The following NPAS2 variants were observed in gnomAD, a reference collection of about 807,000 sequenced individuals.
The protein encoded by NPAS2 is neuronal PAS domain-containing protein 2.
In NPAS2, 23 loss-of-function variants were observed where a neutral mutation model predicts 107.5. The ratio of observed to expected loss-of-function variants is 0.21; its 90% CI spans 0.15 to 0.30. The LOEUF is 0.30. NPAS2 is among the 10% of genes least tolerant of loss of function. The pLI, the probability that NPAS2 is intolerant of heterozygous loss-of-function variation, is 1.00. For synonymous variants in NPAS2, 403 were observed against 417.5 expected, an observed-to-expected ratio of 0.97 and a Z score of 0.42; for missense variants, 756 against 1,043.3, an observed-to-expected ratio of 0.72 and a Z score of 3.79.
At chr2:100,845,639 A>C (rs983524283) in intron 1 of NPAS2, among the ~76,000 whole-genome samples, 9 of 152,214 alleles carry the variant, frequency 5.9e-5, no homozygotes, top group African/African-American at 2.2e-4. Flanking sequence ...ATACTTGGCC[A>C]TGGGGCTTGT....
chr2:100,919,171 C>T (rs1368720733), intron 2 of NPAS2, among the ~76,000 whole-genome samples: 1 of 152,204 alleles, frequency 6.6e-6, no homozygotes, highest in Non-Finnish European at 1.5e-5. Flanking sequence ...ACTTTTACGA[C>T]ATTCTTGAAA....
chr2:100,831,659 A>G (rs1467903427), intron 1 of NPAS2, among the ~76,000 whole-genome samples: 1 of 152,130 alleles, frequency 6.6e-6, no homozygotes, highest in African/African-American at 2.4e-5. Flanking sequence ...TTTCCCCTTC[A>G]TAGCATTGTG....
chr2:100,969,129 C>T (rs150521276), intron 11 of NPAS2, among the ~76,000 whole-genome samples: 1 of 151,698 alleles, frequency 6.6e-6, no homozygotes, highest in African/African-American at 2.4e-5. Context: ...TACAGAGGAG[C>T]CTTGGAGAAG....
intron 20 of NPAS2, 34 bp downstream of exon 20, chr2:100,993,561 G>A: frequency 6.8e-7 from 1 of 1,461,184 alleles, no homozygotes; most frequent in Non-Finnish European, 9.1e-7. Flanking sequence ...CCCCGTGCAG[G>A]CCTGGGAGCC....
intron 1 of NPAS2, among the ~76,000 whole-genome samples, chr2:100,897,293 G>A (rs1031782746): frequency 1.3e-5 from 2 of 152,166 alleles, no homozygotes; most frequent in Admixed American, 6.5e-5. Flanking sequence ...ATCGTGAAAT[G>A]GGTGAAGATG....
chr2:100,843,778 G>A (rs1677595774), intron 1 of NPAS2, among the ~76,000 whole-genome samples: 3 of 152,036 alleles, frequency 2.0e-5, no homozygotes, highest in Non-Finnish European at 2.9e-5. Context: ...AAGGAAAATG[G>A]ATGAGGTTTA....
chr2:100,934,399 C>A (rs967971743), intron 4 of NPAS2, among the ~76,000 whole-genome samples: 27 of 151,212 alleles, frequency 1.8e-4, no homozygotes, highest in African/African-American at 6.1e-4. Context: ...GAATAAATTT[C>A]GGGGCTAGAA....
chr2:100,821,292 A>G (rs1676053146), intron 1 of NPAS2: 1 of 1,095,222 alleles, frequency 9.1e-7, no homozygotes, highest in Admixed American at 2.6e-5. Flanking sequence ...ATACGCACGC[A>G]CTTCCACAAA....
chr2:100,901,786 C>T (rs1445222284), intron 1 of NPAS2, among the ~76,000 whole-genome samples: 1 of 152,096 alleles, frequency 6.6e-6, no homozygotes, highest in African/African-American at 2.4e-5. Context: ...CCTCTTGGTT[C>T]CCTACTCCCC....
chr2:100,959,082 A>G (rs113668601), intron 7 of NPAS2, among the ~76,000 whole-genome samples: 5,602 of 115,486 alleles, frequency 0.049, 406 homozygotes, highest in African/African-American at 0.16. Flanking sequence ...GTGAAACCCC[A>G]TCTCTTCAAA....
chr2:100,846,776 A>G (rs1361406734), intron 1 of NPAS2: 1 of 152,188 alleles, frequency 6.6e-6, no homozygotes, highest in South Asian at 2.1e-4. Context: ...TTGTGCCATA[A>G]AGTGTTGAAA....
intron 1 of NPAS2, among the ~76,000 whole-genome samples, chr2:100,903,638 T>C (rs564477298): frequency 6.6e-5 from 10 of 152,320 alleles, no homozygotes; most frequent in Non-Finnish European, 1.2e-4. Context: ...AGACCCTGTG[T>C]GTTGAGCGTA....
intron 5 of NPAS2, among the ~76,000 whole-genome samples, chr2:100,945,274 C>T (rs1674818081): frequency 6.6e-6 from 1 of 152,144 alleles, no homozygotes; most frequent in African/African-American, 2.4e-5. Flanking sequence ...GTCCTCACAC[C>T]CACCGGAACA....
At chr2:100,927,681 T>C (rs1248773190) in intron 3 of NPAS2, among the ~76,000 whole-genome samples, 1 of 152,226 alleles carries the variant, frequency 6.6e-6, no homozygotes, top group Non-Finnish European at 1.5e-5. Flanking sequence ...CTTTCATTAG[T>C]GTATAGTATT....
In NPAS2 at chr2:100,820,944, C is replaced by T; in HGVS notation, c.-23+530C>T. 2.2e-6 allele frequency: 2 copies of T among 892,878 alleles called. No homozygotes were observed. The highest frequency in any genetic ancestry group is 1.5e-6 in the Non-Finnish European group (1 of 646,602). 55.3% of individuals were successfully genotyped at this position (892,878 alleles called of 1,614,324 possible). On this transcript the variant is annotated intron_variant, in intron 1 of 20. Coordinates refer to ENST00000335681, the MANE Select transcript of NPAS2 (RefSeq NM_002518.4). This position sits in a 1 kb window ranked among gnomAD's most constrained non-coding sequence, Gnocchi z 5.6. ...TGGGTGCGGAATCGGTGCCCCCAAC[C>T]CCCGTGTGCGCAGACAGCGTGCAGC...
intron 1 of NPAS2, among the ~76,000 whole-genome samples, chr2:100,848,859 ATC>A (rs1400422843): frequency 6.6e-6 from 1 of 152,196 alleles, no homozygotes; most frequent in Non-Finnish European, 1.5e-5. Context: ...TTTGGGGAAA[ATC>A]TTGTGGTTGT....
chr2:100,937,150 T>TA (rs1332854394), intron 4 of NPAS2, among the ~76,000 whole-genome samples: 2 of 152,116 alleles, frequency 1.3e-5, no homozygotes, highest in African/African-American at 4.8e-5. Flanking sequence ...CTGAAATGCT[T>TA]ACGGATCCAG....
At chr2:100,971,264 A>G (rs898730036) in intron 12 of NPAS2, among the ~76,000 whole-genome samples, 190 bp downstream of exon 12, 3 of 138,692 alleles carry the variant, frequency 2.2e-5, no homozygotes, top group Non-Finnish European at 3.0e-5. Flanking sequence ...GTGCCACCAT[A>G]CTCCAGCCCG....
rs754989532 is a variant in NPAS2, at chr2:100,925,136, G to C, written c.33-10G>C. 1.1e-5 allele frequency: 18 copies of C among 1,604,246 alleles called. No individual in the cohort carries two copies. In the South Asian group the frequency reaches 1.9e-4, roughly 17 times the overall value. On this transcript the variant is annotated splice_polypyrimidine_tract_variant and intron_variant, in intron 2 of 20. Transcript: ENST00000335681. ...AATGTTCCAGTAACCTGCTCGTTTT[G>C]TGTTTACAGAGCTTCTCGAAACAAG...
Sources: allele counts gnomAD v4.1 joint callset (sites outside exome capture counted in the v4.1 genomes callset), GRCh38; gene constraint gnomAD v4.1.1; non-coding constraint Gnocchi (gnomAD v3.1); transcripts MANE v1.5; gene names NCBI Gene and HGNC (gene_info 2026-07-23, HGNC 2026-07-21).